Variants in HECTD4 observed in about 807,000 individuals in gnomAD.
The protein encoded by HECTD4 is probable E3 ubiquitin-protein ligase HECTD4.
Under a neutral mutation model 471.5 loss-of-function variants are expected in HECTD4, and 114 were observed. That is an observed-to-expected ratio of 0.24 (90% CI 0.21 to 0.28). The LOEUF is 0.28. HECTD4 is among the 10% of genes least tolerant of loss of function. HECTD4 has a pLI of 1.00. For missense variants in HECTD4, 3,866 were observed against 5,651.5 expected (o/e 0.68, Z 10.13); for synonymous variants, 2,012 against 2,256.0 (o/e 0.89, Z 3.07).
At chr12:112,305,970 G>A in intron 7 of HECTD4, 94 bp downstream of exon 7, 4 of 1,147,312 alleles carry the variant, frequency 3.5e-6, no homozygotes, top group East Asian at 5.0e-5. Flanking sequence ...CACTATACAC[G>A]CTGCAAGGTT....
At chr12:112,293,344 A>T (rs2034935521) in intron 7 of HECTD4, among the ~76,000 whole-genome samples, 1 of 145,996 alleles carries the variant, frequency 6.8e-6, no homozygotes, top group African/African-American at 2.5e-5. Context: ...CAGCCTGGGC[A>T]ACAGAGCAAG....
chr12:112,274,525 G>GT (rs1450519636), intron 10 of HECTD4, among the ~76,000 whole-genome samples: 1 of 152,160 alleles, frequency 6.6e-6, no homozygotes, highest in Non-Finnish European at 1.5e-5. Context: ...GGGTGACATA[G>GT]TGAGACCTTG....
Position 112,225,537 on chromosome 12 carries a change from G to T in HECTD4, c.6970+1106C>A, listed in dbSNP as rs531122911. Among the ~76,000 whole-genome samples the T allele has an allele frequency of 4.0e-5, 6 of 148,720 alleles. No homozygotes were observed. The East Asian group carries it at 1.2e-3, about 29-fold the overall frequency. On this transcript the variant is annotated intron_variant, in intron 44 of 75. Coordinates refer to ENST00000682272, the MANE Select transcript of HECTD4 (RefSeq NM_001388303.1). ...CTACCAATTTACAGGAAACAAAACG[G>T]CAAATGAACATGGTAAATGACACCA...
At chr12:112,218,151 C>T (rs2032981606) in intron 45 of HECTD4, among the ~76,000 whole-genome samples, 1 of 149,112 alleles carries the variant, frequency 6.7e-6, no homozygotes, top group African/African-American at 2.5e-5. Context: ...GAGTGAGACT[C>T]CATTTCAAAA....
chr12:112,267,020 G>A, intron 13 of HECTD4, 38 bp from the exon 14 acceptor site: 2 of 1,129,618 alleles, frequency 1.8e-6, no homozygotes, highest in Non-Finnish European at 2.6e-6. Context: ...TTAAGCAAAT[G>A]TTCTAGAAAA....
At chr12:112,323,712 T>C (rs1450521464) in intron 1 of HECTD4, among the ~76,000 whole-genome samples, 2 of 151,802 alleles carry the variant, frequency 1.3e-5, no homozygotes, top group Admixed American at 6.6e-5. Context: ...TTGGGGGGGT[T>C]GAAGGAATTG....
chr12:112,183,822 G>T lies in HECTD4; in HGVS notation c.10779+365C>A, dbSNP rs1385934554. ...AGAATCACCTGGGACAGAATGGCAG[G>T]AGTCTATTCTCATGCTGCTCAGTGA... On this transcript the variant is annotated intron_variant, in intron 61 of 75. Transcript: ENST00000682272. 3.3e-5 allele frequency among the ~76,000 whole-genome samples: 5 copies of T among 152,186 alleles called. No homozygotes were observed. The East Asian group carries it at 9.6e-4, about 29-fold the overall frequency.
chr12:112,162,691 G>A lies in HECTD4; in HGVS notation c.13121-168C>T, dbSNP rs2030736725. The A allele has an allele frequency of 1.4e-6, 1 of 734,162 alleles. No homozygotes were observed. The highest frequency in any genetic ancestry group is 2.2e-6 in the Non-Finnish European group (1 of 450,782). 45.5% of individuals were successfully genotyped at this position (734,162 alleles called of 1,614,324 possible). A position where few individuals can be genotyped will look rare whatever the true frequency, so the allele number is the denominator to read the frequency against. ...CCTGGGAACCTGCGAGATGTTCTTG[G>A]AGGGAAAAGGGGAGAGAGCTGCTGG... On this transcript the variant is annotated intron_variant, in intron 75 of 75. Transcript: ENST00000682272. The surrounding 1 kb of genome is among the most constrained non-coding windows in gnomAD (Gnocchi z 5.2).
intron 52 of HECTD4, 123 bp from the exon 53 acceptor site, chr12:112,204,746 A>G: frequency 1.3e-6 from 1 of 792,144 alleles, no homozygotes; most frequent in Middle Eastern, 2.4e-4. Flanking sequence ...GAAAGTACAT[A>G]ACCCTTTGGC....
intron 54 of HECTD4, 54 bp from the exon 55 acceptor site, chr12:112,200,852 TGTGCGTGCGTGCGTGTGTGTGTGC>T (rs1387540260): frequency 1.2e-5 from 18 of 1,545,962 alleles, no homozygotes; most frequent in Admixed American, 3.5e-5. Context: ...GTTTTCCATG[TGTGCGTGCGTGCGTGTGTGTGTGC>T]GTGCGTGCGT....
At chr12:112,271,659 A>C (rs940742336) in intron 11 of HECTD4, among the ~76,000 whole-genome samples, 2 of 152,144 alleles carry the variant, frequency 1.3e-5, no homozygotes, top group African/African-American at 4.8e-5. Flanking sequence ...CAACTCTACT[A>C]ATCTATGGCC....
At chr12:112,215,815 T>C (rs1294345271) in intron 48 of HECTD4, among the ~76,000 whole-genome samples, 1 of 152,134 alleles carries the variant, frequency 6.6e-6, no homozygotes, top group Non-Finnish European at 1.5e-5. Context: ...GTATTTTTTG[T>C]AGTGATGGGG....
At chr12:112,181,549 G>A (rs1413034633) in intron 62 of HECTD4, among the ~76,000 whole-genome samples, 1 of 152,068 alleles carries the variant, frequency 6.6e-6, no homozygotes, top group African/African-American at 2.4e-5. Context: ...TGCAGCCTTC[G>A]ACTCCTGGGC....
Position 112,228,017 on chromosome 12 carries a change from C to A in HECTD4, c.6854+72G>T. On this transcript the variant is annotated intron_variant, in intron 43 of 75. Transcript: ENST00000682272. The surrounding 1 kb of genome is among the most constrained non-coding windows in gnomAD (Gnocchi z 4.9). ...ATTCACTAAGTTGGGAGTGGAGGGGCCCACCAAGGATCCCTTCTTCTGTCA... is the reference window on the plus strand; with the variant it reads ...ATTCACTAAGTTGGGAGTGGAGGGGACCACCAAGGATCCCTTCTTCTGTCA... 1 of 1,391,516 alleles carries A rather than the reference C, an allele frequency of 7.2e-7. No individual in the cohort carries two copies. The highest frequency in any genetic ancestry group is 9.6e-7 in the Non-Finnish European group (1 of 1,037,714). The allele number at this position is 1,391,516 out of a possible 1,614,324, so 86.2% of individuals were successfully genotyped here.
Position 112,259,224 on chromosome 12 carries a change from C to G in HECTD4, c.2915G>C (p.Gly972Ala). The G allele has an allele frequency of 6.2e-7, 1 of 1,613,840 alleles. No individual in the cohort carries two copies. Among genetic ancestry groups the G allele is most frequent in the Non-Finnish European group, 8.5e-7 (1 of 1,179,830 alleles). ...LEQVTKATML[G>A]HLLPVLLTSL... ...GGTCAGTAACACTGGAAGAAGGTGA[C>G]CAAGCATAGTAGCCTTAGTAACTTG... Residue 972 changes from glycine to alanine, a missense_variant, in exon 19 of 76, where the codon GGT (glycine) becomes GCT (alanine). By Grantham distance (60) the Gly-to-Ala change is moderately conservative. Coordinates refer to ENST00000682272, the MANE Select transcript of HECTD4 (RefSeq NM_001388303.1).
chr12:112,175,700 C>G, intron 66 of HECTD4, 36 bp downstream of exon 66: 2 of 1,598,680 alleles, frequency 1.3e-6, no homozygotes, highest in Non-Finnish European at 1.7e-6. Context: ...AATTTCTATG[C>G]AAGGTGCCAA....
intron 7 of HECTD4, among the ~76,000 whole-genome samples, chr12:112,300,432 T>C (rs1046586521): frequency 1.3e-5 from 2 of 152,206 alleles, no homozygotes; most frequent in Non-Finnish European, 2.9e-5. Flanking sequence ...CTTTTCGAAT[T>C]GCTCAACATT....
rs747682136 is a variant in HECTD4 at position 112,231,735 on chromosome 12, G to A, written c.5998-20C>T. ...GCCACCCTGGGGTGAGGTTGAAGAC[G>A]CTGAGAAGATTCATTTCAGTCTTCC... On this transcript the variant is annotated intron_variant, in intron 38 of 75. Transcript: ENST00000682272. 1.9e-5 allele frequency: 31 copies of A among 1,593,258 alleles called. No homozygotes were observed. In the East Asian group the frequency reaches 2.9e-4, roughly 15 times the overall value.
At chr12:112,236,905 A>G (rs1443789550) in intron 35 of HECTD4, 40 bp downstream of exon 35, 1 of 1,492,298 alleles carries the variant, frequency 6.7e-7, no homozygotes, top group Non-Finnish European at 9.0e-7. Flanking sequence ...TCAAGAGGAA[A>G]GCCAGCTTCT....
Sources: gnomAD v4.1 joint callset for allele counts (sites outside exome capture counted in the v4.1 genomes callset) on GRCh38, gnomAD v4.1.1 for gene constraint, Gnocchi (gnomAD v3.1) non-coding constraint, MANE v1.5 for transcripts, NCBI Gene and HGNC (gene_info 2026-07-23, HGNC 2026-07-21) for gene names.